TAFA2: variants seen among roughly 807,000 people sequenced by gnomAD.
TAFA2 encodes TAFA chemokine like family member 2.
In TAFA2, 7 loss-of-function variants were observed where a neutral mutation model predicts 18.8. That is an observed-to-expected ratio of 0.37 (90% CI 0.21 to 0.70). The LOEUF (loss-of-function observed/expected upper bound fraction) is 0.70. TAFA2 is among the 30% of genes least tolerant of loss of function. The probability of loss-of-function intolerance (pLI) is 0.53; values close to 1 mark genes in which losing one functional copy is unlikely to be tolerated. For synonymous variants in TAFA2, 60 were observed against 54.2 expected (o/e 1.11, Z -0.47); for missense variants, 122 against 158.1 (o/e 0.77, Z 1.23).
chr12:61,744,089 G>T (rs1395703130), intron 4 of TAFA2, among the ~76,000 whole-genome samples: 1 of 152,068 alleles, frequency 6.6e-6, no homozygotes, highest in East Asian at 1.9e-4. Flanking sequence ...TTAAACATTA[G>T]ATATAAAGCC....
intron 4 of TAFA2, among the ~76,000 whole-genome samples, chr12:61,732,854 C>T (rs915743454): frequency 6.6e-6 from 1 of 151,882 alleles, no homozygotes; most frequent in Admixed American, 6.6e-5. Context: ...TTTATATTCA[C>T]TTAAATTTTA....
At chr12:62,090,708 A>AT (rs34391107) in intron 1 of TAFA2, among the ~76,000 whole-genome samples, 28,248 of 151,842 alleles carry the variant, frequency 0.19, 2,875 homozygotes, top group East Asian at 0.39. Context: ...CATGACAAAT[A>AT]TTTTTTCTAA....
At chr12:62,092,365 T>C (rs1049674956) in intron 1 of TAFA2, among the ~76,000 whole-genome samples, 7 of 152,012 alleles carry the variant, frequency 4.6e-5, no homozygotes, top group African/African-American at 1.4e-4. Flanking sequence ...GAAGGAGTTA[T>C]TTAAATTCCT....
At chr12:62,032,051 A>G (rs1881473149) in intron 1 of TAFA2, among the ~76,000 whole-genome samples, 1 of 152,212 alleles carries the variant, frequency 6.6e-6, no homozygotes, top group Non-Finnish European at 1.5e-5. Context: ...TAACTTAAAT[A>G]ACATTGAAAA....
chr12:62,024,210 T>C (rs960751609), intron 1 of TAFA2, among the ~76,000 whole-genome samples: 22 of 152,310 alleles, frequency 1.4e-4, no homozygotes, highest in African/African-American at 5.1e-4. Flanking sequence ...TCTTTCATTT[T>C]CTGTGTATTC....
At chr12:61,738,298 C>CACAA (rs1438951899) in intron 4 of TAFA2, among the ~76,000 whole-genome samples, 35 of 136,300 alleles carry the variant, frequency 2.6e-4, no homozygotes, top group African/African-American at 8.0e-4. Flanking sequence ...AAAACACACA[C>CACAA]ACACACACAC....
chr12:62,085,129 T>G (rs899667194), intron 1 of TAFA2, among the ~76,000 whole-genome samples: 24 of 152,184 alleles, frequency 1.6e-4, no homozygotes, highest in African/African-American at 5.5e-4. Flanking sequence ...TTAATTTTAC[T>G]TTGTTGCTTC....
At chr12:61,969,903 T>C (rs1003580345) in intron 1 of TAFA2, among the ~76,000 whole-genome samples, 1 of 151,568 alleles carries the variant, frequency 6.6e-6, no homozygotes, top group Non-Finnish European at 1.5e-5. Flanking sequence ...TTTTGGAGAA[T>C]GTCAAGAGAT....
chr12:61,923,931 A>G (rs1009963838), intron 1 of TAFA2, among the ~76,000 whole-genome samples: 1 of 151,834 alleles, frequency 6.6e-6, no homozygotes, highest in African/African-American at 2.4e-5. Context: ...CAAGAACTTC[A>G]TGAAACATAC....
intron 1 of TAFA2, among the ~76,000 whole-genome samples, chr12:61,869,073 G>T (rs1304386851): frequency 6.6e-6 from 1 of 152,164 alleles, no homozygotes; most frequent in Non-Finnish European, 1.5e-5. Context: ...ATCCTTAAGT[G>T]TTTGGGAGGC....
intron 1 of TAFA2, among the ~76,000 whole-genome samples, chr12:62,171,142 A>G (rs745629704): frequency 5.3e-5 from 8 of 152,038 alleles, no homozygotes; most frequent in Non-Finnish European, 8.8e-5. Context: ...TTTTAGTATA[A>G]TCCCCATTAT....
At chr12:62,103,737 T>G (rs1869313722) in intron 1 of TAFA2, among the ~76,000 whole-genome samples, 1 of 147,658 alleles carries the variant, frequency 6.8e-6, no homozygotes, top group African/African-American at 2.5e-5. Flanking sequence ...ATGAAACTCC[T>G]TCTCAAAAAG....
At chr12:61,778,168 T>C (rs1374303726) in intron 2 of TAFA2, among the ~76,000 whole-genome samples, 1 of 151,836 alleles carries the variant, frequency 6.6e-6, no homozygotes, top group East Asian at 1.9e-4. Flanking sequence ...GAATGTAAAG[T>C]GGTTCCCTCT....
At chr12:61,730,741 A>C (rs1288933384) in intron 4 of TAFA2, among the ~76,000 whole-genome samples, 3 of 152,130 alleles carry the variant, frequency 2.0e-5, no homozygotes, top group Non-Finnish European at 4.4e-5. Context: ...TCAACAGGCC[A>C]GTCTCATTCC....
At chr12:62,087,035 C>T (rs1868483694) in intron 1 of TAFA2, among the ~76,000 whole-genome samples, 1 of 152,084 alleles carries the variant, frequency 6.6e-6, no homozygotes, top group Non-Finnish European at 1.5e-5. Flanking sequence ...AAGCCAGTTA[C>T]AAAATGACAA....
intron 1 of TAFA2, among the ~76,000 whole-genome samples, chr12:62,156,736 T>A (rs749580759): frequency 2.0e-5 from 3 of 152,140 alleles, no homozygotes; most frequent in Non-Finnish European, 4.4e-5. Flanking sequence ...CTCACTGATA[T>A]GTGGGAGCTA....
intron 2 of TAFA2, among the ~76,000 whole-genome samples, chr12:61,770,706 C>A (rs1319527854): frequency 6.6e-6 from 1 of 152,038 alleles, no homozygotes; most frequent in African/African-American, 2.4e-5. Context: ...TTTGCCACTA[C>A]CAAGTCAACA....
At chr12:62,240,578 A>G (rs2062858214) in intron 1 of TAFA2, among the ~76,000 whole-genome samples, 1 of 152,220 alleles carries the variant, frequency 6.6e-6, no homozygotes, top group African/African-American at 2.4e-5. Context: ...ACTAAGTCCC[A>G]AGATAAAGCC....
rs996022416 is a variant in TAFA2 at position 62,067,971 on chromosome 12, C to CT, written c.-2+123287dup. ...TTCCTTTTAATAATTTTTGTTTTTA[C>CT]TTTTTTTTTCAGATTCTTCTAAAAA... On this transcript the variant is annotated intron_variant, in intron 1 of 4. Transcript: ENST00000416284. Among the ~76,000 whole-genome samples, 23 of 149,846 alleles carry CT rather than the reference C, an allele frequency of 1.5e-4. No individual in the cohort carries two copies. The Middle Eastern group carries it at 0.021, about 136-fold the overall frequency.
Sources: allele counts gnomAD v4.1 joint callset (sites outside exome capture counted in the v4.1 genomes callset), GRCh38; gene constraint gnomAD v4.1.1; transcripts MANE v1.5; gene names NCBI Gene and HGNC (gene_info 2026-07-23, HGNC 2026-07-21).